The following TVP23B variants were observed in gnomAD, a reference collection of about 807,000 sequenced individuals.
TVP23B encodes Golgi apparatus membrane protein TVP23 homolog B.
A neutral mutation model predicts 30.6 loss-of-function variants in TVP23B; 10 were observed. That is an observed-to-expected ratio of 0.33 (90% CI 0.20 to 0.55). The LOEUF is 0.55. TVP23B is among the 20% of genes least tolerant of loss of function. The pLI is 0.91. For synonymous variants in TVP23B, 67 were observed against 83.1 expected (o/e 0.81, Z 1.06); for missense variants, 153 against 243.2 (o/e 0.63, Z 2.47).
intron 3 of TVP23B, chr17:18,797,018 C>T (rs1465114049): frequency 6.4e-6 from 1 of 155,748 alleles, no homozygotes; most frequent in Non-Finnish European, 1.4e-5. Context: ...TCACCTCTTT[C>T]CCTGAGGAAG....
chr17:18,800,316 A>G (rs1372628986), intron 5 of TVP23B, among the ~76,000 whole-genome samples: 4 of 152,112 alleles, frequency 2.6e-5, no homozygotes, highest in African/African-American at 4.8e-5. Context: ...GTTTTATAAT[A>G]GTTATCTTTT....
At chr17:18,801,878 G>T (rs2036172312) in intron 5 of TVP23B, among the ~76,000 whole-genome samples, 1 of 152,150 alleles carries the variant, frequency 6.6e-6, no homozygotes, top group African/African-American at 2.4e-5. Flanking sequence ...CATCACCAAG[G>T]TCTGATTTTT....
At chr17:18,792,693 G>A (rs139602620) in intron 3 of TVP23B, among the ~76,000 whole-genome samples, 1 of 152,144 alleles carries the variant, frequency 6.6e-6, no homozygotes, top group East Asian at 1.9e-4. Flanking sequence ...TTCTGATAAG[G>A]TTTATTTGTT....
At chr17:18,789,739 T>G (rs566383968) in intron 2 of TVP23B, 1 of 260,732 alleles carries the variant, frequency 3.8e-6, no homozygotes, top group African/African-American at 2.2e-5. Flanking sequence ...ATACATTACA[T>G]TTTGATTTAT....
At chr17:18,789,164 G>A in intron 1 of TVP23B, 189 bp from the exon 2 acceptor site, 1 of 885,986 alleles carries the variant, frequency 1.1e-6, no homozygotes, top group Non-Finnish European at 1.7e-6. Flanking sequence ...TATTCTCTGG[G>A]TTTTTTGCCA....
chr17:18,802,428 C>A (rs570202887), intron 5 of TVP23B, among the ~76,000 whole-genome samples: 55 of 152,028 alleles, frequency 3.6e-4, no homozygotes, highest in African/African-American at 1.1e-3. Flanking sequence ...GATTTTCCTG[C>A]CTGTTTGGGT....
At chr17:18,801,839 G>A (rs1423428544) in intron 5 of TVP23B, among the ~76,000 whole-genome samples, 1 of 152,178 alleles carries the variant, frequency 6.6e-6, no homozygotes, top group Non-Finnish European at 1.5e-5. Context: ...TAAGCATGTA[G>A]GAGTTATTTA....
At chr17:18,797,845 C>T (rs2036099173) in intron 4 of TVP23B, among the ~76,000 whole-genome samples, 177 bp downstream of exon 4, 1 of 152,066 alleles carries the variant, frequency 6.6e-6, no homozygotes, top group South Asian at 2.1e-4. Context: ...TAGTTCAGAC[C>T]AGAAACAAGC....
chr17:18,781,191 G>A lies in TVP23B; in HGVS notation c.-103G>A. Reference sequence around the variant, plus strand: ...GAGGCCGGACTGAGGCTCTTACAGTGGTCCCTGCTGGCCCTTGGTGACGGG... The same window carrying A: ...GAGGCCGGACTGAGGCTCTTACAGTAGTCCCTGCTGGCCCTTGGTGACGGG... On this transcript the variant is annotated 5_prime_UTR_variant, in exon 1 of 7. Coordinates refer to ENST00000307767, the MANE Select transcript of TVP23B (RefSeq NM_016078.6). The A allele has an allele frequency of 1.3e-6, 2 of 1,520,110 alleles. No homozygotes were observed. The highest frequency in any genetic ancestry group is 2.8e-5 in the African/African-American group (2 of 72,372). The allele number at this position is 1,520,110 out of a possible 1,614,324, so 94.2% of individuals were successfully genotyped here. A position where few individuals can be genotyped will look rare whatever the true frequency, so the allele number is the denominator to read the frequency against.
chr17:18,788,108 G>T (rs987109333), intron 1 of TVP23B, among the ~76,000 whole-genome samples: 1 of 151,366 alleles, frequency 6.6e-6, no homozygotes, highest in African/African-American at 2.4e-5. Context: ...AGGCCGAGGC[G>T]GCTGGATCAC....
intron 6 of TVP23B, among the ~76,000 whole-genome samples, chr17:18,805,111 CG>C (rs1185649574): frequency 1.7e-5 from 2 of 119,658 alleles, no homozygotes; most frequent in East Asian, 5.4e-4. Flanking sequence ...TTTCTTGAGA[CG>C]GAGTCTCGCT....
At chr17:18,793,065 T>C (rs1458834503) in intron 3 of TVP23B, among the ~76,000 whole-genome samples, 1 of 151,990 alleles carries the variant, frequency 6.6e-6, no homozygotes, top group African/African-American at 2.4e-5. Context: ...CAAAAAAATC[T>C]CATAATGTTT....
chr17:18,794,977 T>C (rs1262339025), intron 3 of TVP23B, among the ~76,000 whole-genome samples: 1 of 151,600 alleles, frequency 6.6e-6, no homozygotes, highest in African/African-American at 2.4e-5. Flanking sequence ...ATGTGTCTTC[T>C]TGACGTTTTT....
At chr17:18,795,378 AT>A (rs71155359) in intron 3 of TVP23B, among the ~76,000 whole-genome samples, 1 of 151,862 alleles carries the variant, frequency 6.6e-6, no homozygotes, top group African/African-American at 2.4e-5. Context: ...TGGAATCACT[AT>A]TTTTTTACTT....
At chr17:18,788,156 G>A (rs1489511310) in intron 1 of TVP23B, among the ~76,000 whole-genome samples, 15 of 151,626 alleles carry the variant, frequency 9.9e-5, no homozygotes, top group African/African-American at 3.6e-4. Flanking sequence ...GGTGAAACCT[G>A]TCTCTACAAA....
chr17:18,798,921 TCTC>T lies in TVP23B; in HGVS notation c.443_445del (p.Ser148del), dbSNP rs753728288. On this transcript the variant is annotated inframe_deletion, in exon 5 of 7. Coordinates refer to ENST00000307767, the MANE Select transcript of TVP23B (RefSeq NM_016078.6). ...GTGATATTTGCTTTTAGTGCACTCTTCTCCTTCAGAGTAAAGTGGTTGGTGAGT... is the reference window on the plus strand; with the variant it reads ...GTGATATTTGCTTTTAGTGCACTCTTCTTCAGAGTAAAGTGGTTGGTGAGT... 5.6e-6 allele frequency: 9 copies of T among 1,613,014 alleles called. No homozygotes were observed. In the African/African-American group the frequency reaches 9.4e-5, roughly 17 times the overall value.
intron 3 of TVP23B, among the ~76,000 whole-genome samples, chr17:18,795,263 C>A (rs1025272538): frequency 1.3e-5 from 2 of 151,908 alleles, no homozygotes; most frequent in Non-Finnish European, 2.9e-5. Context: ...AAGTGAGCCA[C>A]CATGCCTGGC....
In TVP23B at chr17:18,790,972, A is replaced by G. The variant is rs1277758981; in HGVS notation, c.172A>G (p.Ser58Gly). The G allele has an allele frequency of 1.2e-6, 2 of 1,612,526 alleles. No homozygotes were observed. Among genetic ancestry groups the G allele is most frequent in the Non-Finnish European group, 1.7e-6 (2 of 1,179,580 alleles). Residue 58 changes from serine to glycine, a missense_variant, in exon 3 of 7, where the codon AGC becomes GGC. By Grantham distance (56) the Ser-to-Gly change is moderately conservative (BLOSUM62 0). Transcript: ENST00000307767. ...CGTCTATCTTCTCTGTGGGTTGCTC[A>G]GCAGCAGCTTTATTACCTGTATGGT... ...IIVYLLCGLL[S>G]SSFITCMVTI...
chr17:18,790,596 A>G (rs971217722), intron 2 of TVP23B, among the ~76,000 whole-genome samples: 2 of 152,168 alleles, frequency 1.3e-5, no homozygotes, highest in Admixed American at 6.5e-5. Flanking sequence ...TCTAAGATAC[A>G]GTTTCCTTAT....
Sources: allele counts gnomAD v4.1 joint callset (sites outside exome capture counted in the v4.1 genomes callset), GRCh38; gene constraint gnomAD v4.1.1; transcripts MANE v1.5; gene names NCBI Gene and HGNC (gene_info 2026-07-23, HGNC 2026-07-21).